Variants in PSMD9 observed in about 807,000 individuals in gnomAD.
PSMD9 encodes proteasome 26S subunit, non-ATPase 9.
PSMD9 carries 26 observed loss-of-function variants against 25.9 expected under a neutral mutation model. That is an observed-to-expected ratio of 1.00 (90% CI 0.73 to 1.39). The LOEUF (loss-of-function observed/expected upper bound fraction) is 1.39, where lower values mean the gene tolerates loss of function less well. Ranked by LOEUF, PSMD9 falls within the 40% of genes most tolerant of loss-of-function variation. The pLI, the probability that PSMD9 is intolerant of heterozygous loss-of-function variation, is 0.00. For synonymous variants in PSMD9, 110 were observed against 114.5 expected (o/e 0.96, Z 0.25); for missense variants, 303 against 299.3 (o/e 1.01, Z -0.09).
intron 4 of PSMD9, among the ~76,000 whole-genome samples, chr12:121,913,135 A>G (rs138627670): frequency 0.011 from 1,687 of 151,858 alleles, 14 homozygotes; most frequent in African/African-American, 0.025. Context: ...TAGTAGAGAT[A>G]GGGTTTCACT....
At chr12:121,915,188 G>A (rs1389008563) in intron 4 of PSMD9, 1 of 152,046 alleles carries the variant, frequency 6.6e-6, no homozygotes, top group African/African-American at 2.4e-5. Flanking sequence ...AGGCGGGTGT[G>A]GTGGCGGGCA....
intron 4 of PSMD9, among the ~76,000 whole-genome samples, chr12:121,909,291 G>T (rs141220068): frequency 6.6e-6 from 1 of 151,808 alleles, no homozygotes; most frequent in Non-Finnish European, 1.5e-5. Flanking sequence ...CCACACGTGG[G>T]TGCATGCGTC....
intron 4 of PSMD9, among the ~76,000 whole-genome samples, chr12:121,905,083 C>T (rs2135726901): frequency 6.6e-6 from 1 of 151,980 alleles, no homozygotes; most frequent in South Asian, 2.1e-4. Flanking sequence ...AGCCACTTTC[C>T]AGCCACATGT....
chr12:121,894,609 A>T, intron 1 of PSMD9, 130 bp from the exon 2 acceptor site: 1 of 734,956 alleles, frequency 1.4e-6, no homozygotes, highest in Non-Finnish European at 2.4e-6. Flanking sequence ...CCCCTGGTGT[A>T]AGTGATCAGT....
In PSMD9 at chr12:121,916,509, C is replaced by T. The variant is rs1013967033; in HGVS notation, c.*198C>T. On this transcript the variant is annotated 3_prime_UTR_variant, in exon 6 of 6. Coordinates refer to ENST00000541212, the MANE Select transcript of PSMD9 (RefSeq NM_002813.7). The stretch of plus-strand genomic sequence containing the variant: ...GGCATTCTTAAAAACTTAGGCTTGG[C>T]CTCTTTCACAAATTAGGCCACGGCC... The T allele has an allele frequency of 9.2e-6, 6 of 654,592 alleles. No individual in the cohort carries two copies. Among genetic ancestry groups the T allele is most frequent in the Non-Finnish European group, 1.3e-5 (5 of 386,344 alleles). 40.5% of individuals were successfully genotyped at this position (654,592 alleles called of 1,614,324 possible).
At chr12:121,915,358 ATAGGTTCATAC>A (rs982164923) in intron 4 of PSMD9, 4 of 152,230 alleles carry the variant, frequency 2.6e-5, no homozygotes, top group African/African-American at 9.7e-5. Context: ...ATATTATCAA[ATAGGTTCATAC>A]TTTGGTGGGG....
intron 3 of PSMD9, among the ~76,000 whole-genome samples, chr12:121,901,507 C>T (rs1361369656): frequency 6.6e-6 from 1 of 151,866 alleles, no homozygotes; most frequent in East Asian, 1.9e-4. Context: ...TGTAACCATG[C>T]CTGGTTAATT....
At chr12:121,895,005 C>CT (rs1217300517) in intron 2 of PSMD9, among the ~76,000 whole-genome samples, 164 bp downstream of exon 2, 4 of 152,022 alleles carry the variant, frequency 2.6e-5, no homozygotes, top group Non-Finnish European at 5.9e-5. Context: ...GGGCTAGACT[C>CT]TAAGGTTCTA....
chr12:121,892,224 G>A (rs1592939406), intron 1 of PSMD9, among the ~76,000 whole-genome samples: 1 of 152,038 alleles, frequency 6.6e-6, no homozygotes, highest in African/African-American at 2.4e-5. Flanking sequence ...TAGAAGACAG[G>A]GAAAGGATCT....
chr12:121,897,780 G>A (rs1231824746), intron 2 of PSMD9: 1 of 152,192 alleles, frequency 6.6e-6, no homozygotes, highest in African/African-American at 2.4e-5. Context: ...TGCCCGCCTC[G>A]GCCTCGCAAA....
chr12:121,916,353 C>T lies in PSMD9; in HGVS notation c.*42C>T, dbSNP rs373402172. On this transcript the variant is annotated 3_prime_UTR_variant, in exon 6 of 6. Coordinates refer to ENST00000541212, the MANE Select transcript of PSMD9 (RefSeq NM_002813.7). ...GTAACAGGAAAGCATCTTCCCTTGC[C>T]CTGGACTTGGGTCTAGGGATTTCCA... is the stretch of plus-strand genomic sequence containing the variant. The T allele has an allele frequency of 6.2e-7, 1 of 1,606,980 alleles. No individual in the cohort carries two copies. The highest frequency in any genetic ancestry group is 1.3e-5 in the African/African-American group (1 of 74,718).
chr12:121,906,870 G>A (rs2135728136), intron 4 of PSMD9, among the ~76,000 whole-genome samples: 1 of 150,276 alleles, frequency 6.7e-6, no homozygotes, highest in Non-Finnish European at 1.5e-5. Context: ...GGAGGCCGAG[G>A]CAGGAGAATT....
chr12:121,916,159 C>T, intron 5 of PSMD9, 125 bp from the exon 6 acceptor site: 1 of 1,336,982 alleles, frequency 7.5e-7, no homozygotes, highest in Non-Finnish European at 1.1e-6. Context: ...CCAGTTCATT[C>T]ATGCACTAGG....
At chr12:121,908,418 A>G (rs1879623198) in intron 4 of PSMD9, among the ~76,000 whole-genome samples, 1 of 152,084 alleles carries the variant, frequency 6.6e-6, no homozygotes, top group Non-Finnish European at 1.5e-5. Context: ...ACCTCAGATG[A>G]TCTGCCCGCT....
chr12:121,892,701 TA>T (rs113051390), intron 1 of PSMD9, among the ~76,000 whole-genome samples: 7,130 of 146,604 alleles, frequency 0.049, 544 homozygotes, highest in African/African-American at 0.16. Flanking sequence ...ACTCTGTCTT[TA>T]AAAAAAAAAA....
Position 121,894,723 on chromosome 12 carries a change from C to T in PSMD9, c.139-16C>T, listed in dbSNP as rs756394514. 8 of 1,611,496 alleles carry T rather than the reference C, an allele frequency of 5.0e-6. No individual in the cohort carries two copies. Among genetic ancestry groups the T allele is most frequent in the Admixed American group, 3.3e-5 (2 of 59,926 alleles). ...TACACCCATGAGCACCTTTTAACCACGTTTCTTTCCTCCAGCAAAAAGGCA... is the reference window on the plus strand; with the variant it reads ...TACACCCATGAGCACCTTTTAACCATGTTTCTTTCCTCCAGCAAAAAGGCA... On this transcript the variant is annotated splice_polypyrimidine_tract_variant and intron_variant, in intron 1 of 5. Transcript: ENST00000541212.
chr12:121,906,965 CA>C (rs111345955), intron 4 of PSMD9, among the ~76,000 whole-genome samples: 62,230 of 133,020 alleles, frequency 0.47, 13,620 homozygotes, highest in African/African-American at 0.53. Flanking sequence ...GGCTCTGTGT[CA>C]AAAAAAAAAA....
chr12:121,900,358 C>G (rs1231846219), intron 3 of PSMD9, among the ~76,000 whole-genome samples: 4 of 152,126 alleles, frequency 2.6e-5, no homozygotes, highest in African/African-American at 4.8e-5. Context: ...TGCCACTGCA[C>G]TCCAGCCTGG....
At position 121,903,046 on chromosome 12, in the gene PSMD9, T is replaced by C; in HGVS notation, c.494T>C (p.Val165Ala). ...VDDEIVEFGS[V>A]NTQNFQSLHN... ...GATGAGATTGTGGAGTTCGGCTCTG[T>C]GAACACCCAGAACTTCCAGTCACTG... The change falls in exon 4 of 6, where the codon GTG becomes GCG. Residue 165 changes from valine (V) to alanine (A), a missense_variant. Physicochemically the swap from Val to Ala is moderately conservative, Grantham distance 64. Coordinates refer to ENST00000541212, the MANE Select transcript of PSMD9 (RefSeq NM_002813.7). 6.2e-7 allele frequency: 1 copy of C among 1,614,142 alleles called. No homozygotes were observed. The highest frequency in any genetic ancestry group is 8.5e-7 in the Non-Finnish European group (1 of 1,180,022).
Sources: gnomAD v4.1 joint callset for allele counts (sites outside exome capture counted in the v4.1 genomes callset) on GRCh38, gnomAD v4.1.1 for gene constraint, MANE v1.5 for transcripts, NCBI Gene and HGNC (gene_info 2026-07-23, HGNC 2026-07-21) for gene names.